Variants in RNF114 observed in about 807,000 individuals in gnomAD.
RNF114 encodes the protein ring finger protein 114.
In RNF114, 6 loss-of-function variants were observed where a neutral mutation model predicts 28.4. The ratio of observed to expected loss-of-function variants is 0.21; its 90% CI spans 0.12 to 0.42. The LOEUF (loss-of-function observed/expected upper bound fraction) is 0.42, where lower values mean the gene tolerates loss of function less well. Among genes scored for constraint, RNF114 ranks in the 10% least tolerant of loss-of-function variants. RNF114 has a pLI of 1.00. For missense variants in RNF114, 249 were observed against 311.7 expected, an observed-to-expected ratio of 0.80 and a Z score of 1.51; for synonymous variants, 115 against 116.7, an observed-to-expected ratio of 0.99 and a Z score of 0.09.
intron 2 of RNF114, among the ~76,000 whole-genome samples, chr20:49,943,407 G>T (rs773514262): frequency 6.6e-6 from 1 of 152,106 alleles, no homozygotes; most frequent in Non-Finnish European, 1.5e-5. Flanking sequence ...GGAGGCTGAG[G>T]TGGGAAGATT....
chr20:49,951,089 G>C (rs1240381608), intron 5 of RNF114, among the ~76,000 whole-genome samples: 1 of 152,106 alleles, frequency 6.6e-6, no homozygotes, highest in Non-Finnish European at 1.5e-5. Context: ...ACTATATCAA[G>C]TAAACCTCTT....
chr20:49,950,879 A>AC (rs933507773), intron 5 of RNF114, among the ~76,000 whole-genome samples: 1 of 151,788 alleles, frequency 6.6e-6, no homozygotes, highest in African/African-American at 2.4e-5. Flanking sequence ...TAGCTTCTCC[A>AC]CCCCCCATGC....
intron 3 of RNF114, among the ~76,000 whole-genome samples, chr20:49,945,871 G>C (rs376638103): frequency 2.0e-5 from 3 of 152,144 alleles, no homozygotes; most frequent in African/African-American, 7.2e-5. Context: ...TTGTCATGTT[G>C]GTCAGGCTGG....
At chr20:49,951,565 G>A (rs995812001) in intron 5 of RNF114, among the ~76,000 whole-genome samples, 4 of 152,114 alleles carry the variant, frequency 2.6e-5, no homozygotes, top group South Asian at 2.1e-4. Context: ...TTTAAGGGAG[G>A]CATCCTTAAC....
At chr20:49,947,813 G>C (rs12480831) in intron 4 of RNF114, among the ~76,000 whole-genome samples, 1 of 83,722 alleles carries the variant, frequency 1.2e-5, no homozygotes, top group Non-Finnish European at 2.2e-5. Flanking sequence ...TTTTTTTGAG[G>C]CGGAGTTTCG....
intron 5 of RNF114, among the ~76,000 whole-genome samples, chr20:49,951,644 C>G (rs2090355574): frequency 6.6e-6 from 1 of 152,162 alleles, no homozygotes; most frequent in African/African-American, 2.4e-5. Context: ...CTTTGGGAGG[C>G]CAAGGCGGGT....
intron 4 of RNF114, 26 bp from the exon 5 acceptor site, chr20:49,949,222 C>T: frequency 6.2e-7 from 1 of 1,604,014 alleles, no homozygotes; most frequent in Non-Finnish European, 8.5e-7. Flanking sequence ...AATTGGGTGC[C>T]TAAGACCTTG....
At chr20:49,943,874 A>ATATATT (rs1491301353) in intron 2 of RNF114, 2 of 10,070 alleles carry the variant, frequency 2.0e-4, no homozygotes, top group African/African-American at 9.0e-4. Flanking sequence ...ACACACAGAG[A>ATATATT]TATATATATA....
At chr20:49,950,682 CAAA>C (rs11429510) in intron 5 of RNF114, among the ~76,000 whole-genome samples, 3 of 90,524 alleles carry the variant, frequency 3.3e-5, no homozygotes, top group African/African-American at 9.0e-5. Context: ...GACCCTGTCT[CAAA>C]AAAAAAAAAA....
chr20:49,941,947 A>C (rs928126408), intron 2 of RNF114: 10 of 476,552 alleles, frequency 2.1e-5, no homozygotes, highest in African/African-American at 4.1e-5. Context: ...CATAGAAATC[A>C]GTTATCCCAG....
chr20:49,938,281 G>C (rs2090295128), intron 1 of RNF114, among the ~76,000 whole-genome samples: 1 of 152,278 alleles, frequency 6.6e-6, no homozygotes, highest in Admixed American at 6.5e-5. Flanking sequence ...CCTTTCCTAG[G>C]TCAGAGGGCA....
At chr20:49,947,774 T>TTTTTGTTTTG in intron 4 of RNF114, among the ~76,000 whole-genome samples, 1 of 20,302 alleles carries the variant, frequency 4.9e-5, no homozygotes, top group African/African-American at 2.5e-4. Context: ...TGCAAGTTTT[T>TTTTTGTTTTG]TTTTTTTTTT....
At chr20:49,944,278 A>G (rs1413518619) in intron 2 of RNF114, 2 of 152,044 alleles carry the variant, frequency 1.3e-5, no homozygotes, top group East Asian at 3.9e-4. Context: ...CATGTTGCCC[A>G]TGCTGATCTC....
chr20:49,946,275 T>TTTA, intron 4 of RNF114, 25 bp downstream of exon 4: 1 of 1,150,212 alleles, frequency 8.7e-7, no homozygotes, highest in Non-Finnish European at 1.3e-6. Flanking sequence ...TTTTTTTTTT[T>TTTA]AAACTTCATT....
At chr20:49,942,662 A>G (rs1163851979) in intron 2 of RNF114, among the ~76,000 whole-genome samples, 2 of 152,112 alleles carry the variant, frequency 1.3e-5, no homozygotes, top group Non-Finnish European at 2.9e-5. Context: ...GGCTCTACTG[A>G]AAATACAAAA....
At chr20:49,948,261 A>G (rs2090342185) in intron 4 of RNF114, among the ~76,000 whole-genome samples, 1 of 151,744 alleles carries the variant, frequency 6.6e-6, no homozygotes, top group Non-Finnish European at 1.5e-5. Context: ...TTATCACTGT[A>G]TCTTCCTTGC....
intron 5 of RNF114, among the ~76,000 whole-genome samples, chr20:49,949,928 C>T (rs1433022234): frequency 7.0e-6 from 1 of 143,580 alleles, no homozygotes; most frequent in African/African-American, 2.5e-5. Flanking sequence ...CAGGCGTGAG[C>T]CACCACGCCC....
chr20:49,937,820 G>A (rs1239656321), intron 1 of RNF114, among the ~76,000 whole-genome samples: 1 of 152,030 alleles, frequency 6.6e-6, no homozygotes. Context: ...CTTGCACAGA[G>A]CAAAACTTAA....
At chr20:49,949,100 G>A (rs1374341075) in intron 4 of RNF114, 148 bp from the exon 5 acceptor site, 1 of 613,888 alleles carries the variant, frequency 1.6e-6, no homozygotes, top group Non-Finnish European at 3.0e-6. Context: ...TGTTTTTTTG[G>A]GCTGCTGATG....
Sources: gnomAD v4.1 joint callset for allele counts (sites outside exome capture counted in the v4.1 genomes callset) on GRCh38, gnomAD v4.1.1 for gene constraint, MANE v1.5 for transcripts, NCBI Gene and HGNC (gene_info 2026-07-23, HGNC 2026-07-21) for gene names.